Variants in ZNF704 observed in about 807,000 individuals in gnomAD.
ZNF704 encodes glucocorticoid induced gene 1.
In ZNF704, 10 loss-of-function variants were observed where a neutral mutation model predicts 44.7. The observed-to-expected ratio is 0.22, with a 90% CI of 0.14 to 0.38. The LOEUF is 0.38. ZNF704 is among the 10% of genes least tolerant of loss of function. The pLI is 1.00. For synonymous variants in ZNF704, 211 were observed against 207.6 expected, an observed-to-expected ratio of 1.02 and a Z score of -0.14; for missense variants, 390 against 545.5, an observed-to-expected ratio of 0.71 and a Z score of 2.84.
At chr8:80,704,670 T>C (rs774321710) in intron 2 of ZNF704, among the ~76,000 whole-genome samples, 4 of 152,068 alleles carry the variant, frequency 2.6e-5, no homozygotes, top group Admixed American at 1.3e-4. Context: ...AAAGCCTCCA[T>C]AAAACCCAAA....
At chr8:80,700,612 T>C (rs1818793903) in intron 2 of ZNF704, among the ~76,000 whole-genome samples, 5 of 152,216 alleles carry the variant, frequency 3.3e-5, no homozygotes, top group Admixed American at 3.3e-4. Context: ...TGAAATAACA[T>C]GAAATCTTGG....
intron 2 of ZNF704, among the ~76,000 whole-genome samples, chr8:80,814,596 G>A (rs1006106074): frequency 9.9e-5 from 15 of 152,160 alleles, no homozygotes; most frequent in African/African-American, 3.6e-4. Flanking sequence ...CAGTTCTTAA[G>A]GGGAGTCCAC....
At chr8:80,666,954 A>G (rs978270082) in intron 5 of ZNF704, among the ~76,000 whole-genome samples, 1 of 152,006 alleles carries the variant, frequency 6.6e-6, no homozygotes, top group African/African-American at 2.4e-5. Flanking sequence ...TGCTGTGCAG[A>G]AGCTCTTTAT....
At chr8:80,706,569 G>A (rs1326606947) in intron 2 of ZNF704, among the ~76,000 whole-genome samples, 2 of 152,224 alleles carry the variant, frequency 1.3e-5, no homozygotes, top group Non-Finnish European at 2.9e-5. Flanking sequence ...AGGAGCAAGG[G>A]GGGATGTGTC....
chr8:80,869,323 C>G (rs1451229370), intron 1 of ZNF704, among the ~76,000 whole-genome samples: 1 of 152,238 alleles, frequency 6.6e-6, no homozygotes, highest in African/African-American at 2.4e-5. Flanking sequence ...TTGATACTGT[C>G]TGGCAACTCT....
rs1249989717 is a variant in ZNF704, at chr8:80,629,488, GTTCT to G, written c.*11874_*11877del. On this transcript the variant is annotated 3_prime_UTR_variant, in exon 9 of 9. Coordinates refer to ENST00000327835, the MANE Select transcript of ZNF704 (RefSeq NM_001033723.3). The stretch of plus-strand genomic sequence containing the variant: ...AGAGAACCAGAATGACAGAAATGGA[GTTCT>G]TTATTTCCACATTGTCAGATGAAGG... 1 of 152,124 alleles carries G rather than the reference GTTCT, an allele frequency of 6.6e-6. No homozygotes were observed. The highest frequency in any genetic ancestry group is 1.5e-5 in the Non-Finnish European group (1 of 68,034). 9.4% of individuals were successfully genotyped at this position (152,124 alleles called of 1,614,324 possible). A position where few individuals can be genotyped will look rare whatever the true frequency, so the allele number is the denominator to read the frequency against.
chr8:80,732,983 C>A (rs893722618), intron 2 of ZNF704, among the ~76,000 whole-genome samples: 2 of 150,538 alleles, frequency 1.3e-5, no homozygotes, highest in African/African-American at 4.9e-5. Context: ...AGAGAACCAG[C>A]CAAATTATAA....
chr8:80,676,146 G>A (rs1033524565), intron 4 of ZNF704, among the ~76,000 whole-genome samples: 1 of 152,198 alleles, frequency 6.6e-6, no homozygotes, highest in African/African-American at 2.4e-5. Flanking sequence ...AGTAAATCTC[G>A]TAGAGTGTTG....
At chr8:80,808,088 G>A (rs1808020249) in intron 2 of ZNF704, among the ~76,000 whole-genome samples, 1 of 152,182 alleles carries the variant, frequency 6.6e-6, no homozygotes, top group South Asian at 2.1e-4. Flanking sequence ...CCTGGCCTGT[G>A]CACACATGGG....
intron 2 of ZNF704, among the ~76,000 whole-genome samples, chr8:80,710,191 A>G (rs950611605): frequency 6.6e-6 from 1 of 152,166 alleles, no homozygotes; most frequent in Non-Finnish European, 1.5e-5. Flanking sequence ...TATTTGCCCA[A>G]GAGTTACCCT....
intron 1 of ZNF704, among the ~76,000 whole-genome samples, chr8:80,863,722 T>C (rs755271200): frequency 6.6e-6 from 1 of 152,214 alleles, no homozygotes; most frequent in Non-Finnish European, 1.5e-5. Context: ...AGAGTTATTA[T>C]ACATGGTATC....
At chr8:80,682,466 T>C (rs564868724) in intron 4 of ZNF704, among the ~76,000 whole-genome samples, 2 of 152,280 alleles carry the variant, frequency 1.3e-5, no homozygotes, top group Non-Finnish European at 2.9e-5. Flanking sequence ...GCCAATGTTC[T>C]GAAATGCAGA....
chr8:80,742,148 AAAGG>A (rs1021789002), intron 2 of ZNF704, among the ~76,000 whole-genome samples: 1 of 152,132 alleles, frequency 6.6e-6, no homozygotes, highest in Non-Finnish European at 1.5e-5. Context: ...ATCAGAAAGG[AAAGG>A]AAAGGGAAAT....
At chr8:80,764,036 A>G (rs1286197195) in intron 2 of ZNF704, among the ~76,000 whole-genome samples, 3 of 152,180 alleles carry the variant, frequency 2.0e-5, no homozygotes, top group Non-Finnish European at 2.9e-5. Context: ...AAACCATTCA[A>G]CAAATCTCTA....
intron 2 of ZNF704, among the ~76,000 whole-genome samples, chr8:80,711,359 A>G (rs1345700773): frequency 6.6e-6 from 1 of 152,214 alleles, no homozygotes; most frequent in Non-Finnish European, 1.5e-5. Context: ...TATTGGGGTT[A>G]GTGATGTTTT....
chr8:80,790,110 C>CTTCACTCT (rs1807679346), intron 2 of ZNF704, among the ~76,000 whole-genome samples: 1 of 152,162 alleles, frequency 6.6e-6, no homozygotes, highest in Non-Finnish European at 1.5e-5. Context: ...AGCTGTTGTT[C>CTTCACTCT]TCACTCTTCA....
chr8:80,695,758 C>T (rs1048982068), intron 2 of ZNF704, among the ~76,000 whole-genome samples: 3 of 152,164 alleles, frequency 2.0e-5, no homozygotes, highest in African/African-American at 7.2e-5. Flanking sequence ...AAATCTACCA[C>T]ATTTCAAAAT....
intron 2 of ZNF704, among the ~76,000 whole-genome samples, chr8:80,728,212 T>C (rs769520007): frequency 6.8e-4 from 103 of 152,276 alleles, no homozygotes; most frequent in African/African-American, 2.1e-3. Context: ...TCCACACATA[T>C]ACACACTTTA....
intron 1 of ZNF704, among the ~76,000 whole-genome samples, chr8:80,865,801 A>G (rs773960706): frequency 2.0e-5 from 3 of 151,838 alleles, no homozygotes; most frequent in Non-Finnish European, 4.4e-5. Context: ...TCAAGGCTCC[A>G]TGGTGTTCTG....
Sources: gnomAD v4.1 joint callset for allele counts (sites outside exome capture counted in the v4.1 genomes callset) on GRCh38, gnomAD v4.1.1 for gene constraint, MANE v1.5 for transcripts, NCBI Gene and HGNC (gene_info 2026-07-23, HGNC 2026-07-21) for gene names.